RBFOX3: variants seen among roughly 807,000 people sequenced by gnomAD.
RBFOX3 encodes the protein RNA binding fox-1 homolog 3.
In RBFOX3, 17 loss-of-function variants were observed where a neutral mutation model predicts 48.7. That is an observed-to-expected ratio of 0.35 (90% CI 0.24 to 0.52). The LOEUF is 0.52. Among genes scored for constraint, RBFOX3 ranks in the 20% least tolerant of loss-of-function variants. The pLI is 0.94. For missense variants in RBFOX3, 382 were observed against 497.5 expected, an observed-to-expected ratio of 0.77 and a Z score of 2.21; for synonymous variants, 212 against 209.5, an observed-to-expected ratio of 1.01 and a Z score of -0.10.
At chr17:79,284,511 T>C (rs933700461) in intron 3 of RBFOX3, among the ~76,000 whole-genome samples, 1 of 148,246 alleles carries the variant, frequency 6.7e-6, no homozygotes, top group African/African-American at 2.5e-5. Flanking sequence ...CACAAGGAGA[T>C]GGCTGGAAGC....
chr17:79,595,122 C>G lies in RBFOX3; in HGVS notation c.-320+15704G>C, dbSNP rs947879214. 6.4e-4 allele frequency among the ~76,000 whole-genome samples: 98 copies of G among 152,088 alleles called. No individual in the cohort carries two copies. The East Asian group carries it at 0.012, about 19-fold the overall frequency. On this transcript the variant is annotated intron_variant, in intron 1 of 14. Coordinates refer to ENST00000693108, the MANE Select transcript of RBFOX3 (RefSeq NM_001350451.2). ...CCCTTAGAGTAACAGCAGGAATGAC[C>G]CCCACCCCCGCCTGGAGAGCCATCG...
At chr17:79,175,559 G>T (rs868185469) in intron 4 of RBFOX3, among the ~76,000 whole-genome samples, 1 of 152,208 alleles carries the variant, frequency 6.6e-6, no homozygotes, top group Non-Finnish European at 1.5e-5. Flanking sequence ...CCCTCTTCCT[G>T]TCTCCAGGCG....
intron 4 of RBFOX3, among the ~76,000 whole-genome samples, chr17:79,148,754 C>T (rs144606037): frequency 3.2e-4 from 49 of 152,300 alleles, no homozygotes; most frequent in Middle Eastern, 3.4e-3. Flanking sequence ...AGTCTGAGGA[C>T]GCAGGGGAGG....
At chr17:79,130,183 A>C (rs1217096589) in intron 4 of RBFOX3, among the ~76,000 whole-genome samples, 1 of 152,170 alleles carries the variant, frequency 6.6e-6, no homozygotes, top group East Asian at 1.9e-4. Context: ...GCCACACTGC[A>C]TATTACTTCA....
chr17:79,097,957 T>A (rs139763594), intron 9 of RBFOX3: 1 of 587,016 alleles, frequency 1.7e-6, no homozygotes, highest in African/African-American at 1.9e-5. Context: ...TGCCTGGGGG[T>A]CTGCTAGGAT....
At chr17:79,527,370 C>T (rs1294803219) in intron 1 of RBFOX3, among the ~76,000 whole-genome samples, 2 of 152,234 alleles carry the variant, frequency 1.3e-5, no homozygotes, top group Non-Finnish European at 2.9e-5. Context: ...CATCCTGCCA[C>T]TGCATATAGA....
chr17:79,174,188 C>T (rs569997737), intron 4 of RBFOX3, among the ~76,000 whole-genome samples: 72 of 152,236 alleles, frequency 4.7e-4, no homozygotes, highest in African/African-American at 1.4e-3. Context: ...GGGGCAGGGA[C>T]GAAGTGCTCA....
intron 2 of RBFOX3, among the ~76,000 whole-genome samples, chr17:79,388,001 C>T (rs1486904825): frequency 6.6e-6 from 1 of 151,254 alleles, no homozygotes; most frequent in Non-Finnish European, 1.5e-5. Context: ...TGAATGTGTA[C>T]GTGTGTGTGT....
intron 4 of RBFOX3, among the ~76,000 whole-genome samples, chr17:79,118,457 G>A (rs1194632275): frequency 6.6e-6 from 1 of 152,114 alleles, no homozygotes; most frequent in Non-Finnish European, 1.5e-5. Flanking sequence ...GAGGGGGAAG[G>A]AGAGTCAGGG....
At position 79,390,517 on chromosome 17, in the gene RBFOX3, G is replaced by A. The variant is rs1419597198; in HGVS notation, c.-174-82693C>T. On this transcript the variant is annotated intron_variant, in intron 2 of 14. Coordinates refer to ENST00000693108, the MANE Select transcript of RBFOX3 (RefSeq NM_001350451.2). The surrounding 1 kb of genome is among the most constrained non-coding windows in gnomAD (Gnocchi z 4.2). ...TTTTAGATGGAGTCTCGCTCTTGTC[G>A]CCCAGGCTGGAGTGCAGTGGCACAA... Among the ~76,000 whole-genome samples the A allele has an allele frequency of 2.7e-5, 4 of 146,516 alleles. No homozygotes were observed. The highest frequency in any genetic ancestry group is 7.0e-5 in the Admixed American group (1 of 14,380).
At chr17:79,492,754 A>G (rs2080873569) in intron 1 of RBFOX3, among the ~76,000 whole-genome samples, 1 of 152,246 alleles carries the variant, frequency 6.6e-6, no homozygotes, top group Admixed American at 6.5e-5. Flanking sequence ...ACAAAAAAAT[A>G]TGAATGGTGG....
At chr17:79,159,752 ATG>A (rs2046571278) in intron 4 of RBFOX3, among the ~76,000 whole-genome samples, 2 of 83,388 alleles carry the variant, frequency 2.4e-5, no homozygotes, top group African/African-American at 2.0e-4. Context: ...GGTCACACAC[ATG>A]TCCACACTAA....
chr17:79,373,027 T>C (rs551540741), intron 2 of RBFOX3, among the ~76,000 whole-genome samples: 5 of 152,242 alleles, frequency 3.3e-5, no homozygotes, highest in Admixed American at 3.3e-4. Context: ...ACTGGACTTT[T>C]ATCTCACTCC....
intron 14 of RBFOX3, among the ~76,000 whole-genome samples, chr17:79,091,277 G>A (rs1055582069): frequency 6.6e-6 from 1 of 152,224 alleles, no homozygotes; most frequent in African/African-American, 2.4e-5. Context: ...AGCCCTCACT[G>A]GTGGGGAACC....
At chr17:79,472,221 C>T (rs1386948339) in intron 2 of RBFOX3, among the ~76,000 whole-genome samples, 1 of 152,176 alleles carries the variant, frequency 6.6e-6, no homozygotes, top group Non-Finnish European at 1.5e-5. Flanking sequence ...TGAGATAGAC[C>T]ACAGTGGTCG....
chr17:79,336,223 C>A (rs1004042085), intron 2 of RBFOX3, among the ~76,000 whole-genome samples: 2 of 151,958 alleles, frequency 1.3e-5, no homozygotes, highest in African/African-American at 2.4e-5. Context: ...CCCATCTCTA[C>A]TAAAAATACA....
intron 4 of RBFOX3, chr17:79,233,547 T>G (rs1165753750): frequency 6.6e-6 from 1 of 152,100 alleles, no homozygotes; most frequent in Non-Finnish European, 1.5e-5. Flanking sequence ...AAAACCAACG[T>G]GCAAAAATCC....
intron 14 of RBFOX3, among the ~76,000 whole-genome samples, 197 bp from the exon 15 acceptor site, chr17:79,091,082 G>A (rs2073797704): frequency 6.6e-6 from 1 of 152,214 alleles, no homozygotes; most frequent in African/African-American, 2.4e-5. Flanking sequence ...GGCAGCCCAG[G>A]ATGGGAGGAG....
chr17:79,175,470 G>A (rs545591844), intron 4 of RBFOX3, among the ~76,000 whole-genome samples: 6 of 152,366 alleles, frequency 3.9e-5, no homozygotes, highest in African/African-American at 1.4e-4. Context: ...GGGATCTCCC[G>A]GTGTGGGCAC....
Sources: gnomAD v4.1 joint callset for allele counts (sites outside exome capture counted in the v4.1 genomes callset) on GRCh38, gnomAD v4.1.1 for gene constraint, Gnocchi (gnomAD v3.1) non-coding constraint, MANE v1.5 for transcripts, NCBI Gene and HGNC (gene_info 2026-07-23, HGNC 2026-07-21) for gene names.